The following PTH2R variants were observed in gnomAD, a reference collection of about 807,000 sequenced individuals.
The protein encoded by PTH2R is parathyroid hormone 2 receptor.
A neutral mutation model predicts 60.3 loss-of-function variants in PTH2R; 59 were observed. That is an observed-to-expected ratio of 0.98 (90% CI 0.79 to 1.22). The LOEUF is 1.22. Among genes scored for constraint, PTH2R ranks in the 50% most tolerant of loss-of-function variants. PTH2R has a pLI of 0.00. For synonymous variants in PTH2R, 256 were observed against 243.8 expected (o/e 1.05, Z -0.47); for missense variants, 749 against 682.6 (o/e 1.10, Z -1.08).
intron 4 of PTH2R, among the ~76,000 whole-genome samples, chr2:208,438,088 A>T (rs1702112029): frequency 6.6e-6 from 1 of 152,236 alleles, no homozygotes; most frequent in Admixed American, 6.5e-5. Context: ...GCTGAGATAC[A>T]TACATCCATA....
At chr2:208,428,892 G>A (rs556260875) in intron 2 of PTH2R, among the ~76,000 whole-genome samples, 1 of 152,184 alleles carries the variant, frequency 6.6e-6, no homozygotes. Flanking sequence ...CCAGACCAGC[G>A]TGGCCAACAT....
chr2:208,462,375 A>G (rs1702651268), intron 9 of PTH2R, among the ~76,000 whole-genome samples: 1 of 152,244 alleles, frequency 6.6e-6, no homozygotes, highest in Admixed American at 6.5e-5. Flanking sequence ...AGAGACAAGA[A>G]GATACACCTC....
chr2:208,378,934 AG>A (rs1700860586), intron 1 of PTH2R, among the ~76,000 whole-genome samples: 1 of 152,150 alleles, frequency 6.6e-6, no homozygotes, highest in South Asian at 2.1e-4. Flanking sequence ...GTGGTTGTGA[AG>A]ATTAGAGAAA....
chr2:208,423,025 A>G (rs1251303366), intron 1 of PTH2R, among the ~76,000 whole-genome samples: 1 of 151,728 alleles, frequency 6.6e-6, no homozygotes, highest in Non-Finnish European at 1.5e-5. Context: ...ATTATTGGTA[A>G]TTTTAAATCA....
intron 2 of PTH2R, among the ~76,000 whole-genome samples, chr2:208,430,713 A>AT (rs1701954292): frequency 6.6e-6 from 1 of 151,792 alleles, no homozygotes; most frequent in Non-Finnish European, 1.5e-5. Context: ...CATCCGGCTA[A>AT]TTTTTTTGTA....
chr2:208,478,175 A>G (rs550636759), intron 9 of PTH2R, among the ~76,000 whole-genome samples: 33 of 152,278 alleles, frequency 2.2e-4, no homozygotes, highest in Admixed American at 3.9e-4. Context: ...TCTTCAGAAA[A>G]AGAAGTAATC....
chr2:208,461,545 A>G (rs944535671), intron 9 of PTH2R, among the ~76,000 whole-genome samples: 14 of 152,118 alleles, frequency 9.2e-5, no homozygotes, highest in Middle Eastern at 3.2e-3. Flanking sequence ...AAACTGACCA[A>G]TAAGAGTTAA....
intron 2 of PTH2R, among the ~76,000 whole-genome samples, chr2:208,430,517 G>T (rs1244033671): frequency 1.4e-5 from 2 of 140,134 alleles, no homozygotes; most frequent in Non-Finnish European, 3.1e-5. Context: ...CTCAGCCTTT[G>T]TTGGTGATTA....
intron 1 of PTH2R, among the ~76,000 whole-genome samples, chr2:208,380,978 G>A (rs1700902641): frequency 6.6e-6 from 1 of 151,952 alleles, no homozygotes; most frequent in Non-Finnish European, 1.5e-5. Flanking sequence ...AAAAATTGAG[G>A]TCCTAATGCA....
intron 1 of PTH2R, among the ~76,000 whole-genome samples, chr2:208,367,453 C>T (rs1700615681): frequency 7.9e-6 from 1 of 127,244 alleles, no homozygotes; most frequent in Non-Finnish European, 1.6e-5. Flanking sequence ...GAGACAGAGT[C>T]ACTGTCACCC....
intron 7 of PTH2R, among the ~76,000 whole-genome samples, chr2:208,448,742 C>T (rs1027660153): frequency 4.6e-5 from 7 of 150,604 alleles, no homozygotes; most frequent in African/African-American, 1.7e-4. Context: ...ACAACATTTA[C>T]ATGTCAAGTA....
chr2:208,393,800 A>G (rs1170875810), intron 1 of PTH2R, among the ~76,000 whole-genome samples: 5 of 152,198 alleles, frequency 3.3e-5, no homozygotes, highest in African/African-American at 9.6e-5. Flanking sequence ...AGATCCTGTA[A>G]TGAGAAGGGA....
At chr2:208,362,995 G>A (rs1213727344) in intron 1 of PTH2R, among the ~76,000 whole-genome samples, 1 of 152,072 alleles carries the variant, frequency 6.6e-6, no homozygotes, top group African/African-American at 2.4e-5. Context: ...TGGAAAAAAT[G>A]TCTATTCAAG....
chr2:208,488,670 G>A (rs943805229), intron 10 of PTH2R, among the ~76,000 whole-genome samples: 37 of 151,682 alleles, frequency 2.4e-4, no homozygotes, highest in Non-Finnish European at 8.8e-5. Context: ...GATAGAGAAA[G>A]GTCAGCCCAA....
chr2:208,413,851 G>T (rs1180136940), intron 1 of PTH2R, among the ~76,000 whole-genome samples: 1 of 152,190 alleles, frequency 6.6e-6, no homozygotes, highest in Non-Finnish European at 1.5e-5. Flanking sequence ...ATGCTCTCTT[G>T]CAGACTAAGA....
Position 208,437,807 on chromosome 2 carries a change from C to A in PTH2R, c.337C>A (p.His113Asn). 1 of 1,613,832 alleles carries A rather than the reference C, an allele frequency of 6.2e-7. No individual in the cohort carries two copies. Among genetic ancestry groups the A allele is most frequent in the African/African-American group, 1.3e-5 (1 of 75,034 alleles). ...CNPNGTWDFMHSLNKTWANYS... is the reference protein window; with the variant it reads ...CNPNGTWDFMNSLNKTWANYS... ...CCCCAATGGAACATGGGATTTTATG[C>A]ACAGCTTAAATAAAACATGGGCCAA... The change falls in exon 4 of 13, where the codon CAC becomes AAC. Residue 113 changes from histidine to asparagine, a missense_variant. By Grantham distance (68) the His-to-Asn change is moderately conservative. Coordinates refer to ENST00000272847, the MANE Select transcript of PTH2R (RefSeq NM_005048.4).
In PTH2R at chr2:208,443,548, T is replaced by C. The variant is rs768403365; in HGVS notation, c.699+11T>C. 6 of 1,582,806 alleles carry C rather than the reference T, an allele frequency of 3.8e-6. No homozygotes were observed. In the East Asian group the frequency reaches 1.4e-4, roughly 36 times the overall value. On this transcript the variant is annotated intron_variant, in intron 6 of 12. Transcript: ENST00000272847. ...GACAAATCACAATATGTAAGTGTTT[T>C]CACCATTTTCTCTCATTACTAATTT...
rs1339467999 is a variant in PTH2R, at chr2:208,489,083, C to G, written c.1148C>G (p.Pro383Arg). Reference protein sequence around the residue: ...GVHYIVFVCLPHSFTGLGWEI... With the variant: ...GVHYIVFVCLRHSFTGLGWEI... Reference sequence around the variant, plus strand: ...CATTACATCGTGTTCGTATGCCTGCCTCACTCCTTCACTGGGCTCGGGTGG... The same window carrying G: ...CATTACATCGTGTTCGTATGCCTGCGTCACTCCTTCACTGGGCTCGGGTGG... Residue 383 changes from proline (P) to arginine (R), a missense_variant, in exon 11 of 13, where the codon CCT becomes CGT. Physicochemically the swap from Pro to Arg is moderately radical, Grantham distance 103. Transcript: ENST00000272847. 2 of 1,614,174 alleles carry G rather than the reference C, an allele frequency of 1.2e-6. No individual in the cohort carries two copies. Among genetic ancestry groups the G allele is most frequent in the Non-Finnish European group, 1.7e-6 (2 of 1,180,028 alleles).
chr2:208,442,372 C>G lies in PTH2R; in HGVS notation c.420C>G (p.Phe140Leu). The G allele has an allele frequency of 6.2e-7, 1 of 1,610,520 alleles. No individual in the cohort carries two copies. Among genetic ancestry groups the G allele is most frequent in the Non-Finnish European group, 8.5e-7 (1 of 1,176,906 alleles). Residue 140 changes from phenylalanine to leucine, a missense_variant, in exon 5 of 13, where the codon TTC becomes TTG. Coordinates refer to ENST00000272847, the MANE Select transcript of PTH2R (RefSeq NM_005048.4). ...QPDISIGKQEFFERLYVMYTV... is the reference protein window; with the variant it reads ...QPDISIGKQELFERLYVMYTV... ...CATCTCTTCCCTTGCAGCAAGAATT[C>G]TTTGAACGCCTCTATGTAATGTATA...
Sources: gnomAD v4.1 joint callset for allele counts (sites outside exome capture counted in the v4.1 genomes callset) on GRCh38, gnomAD v4.1.1 for gene constraint, MANE v1.5 for transcripts, NCBI Gene and HGNC (gene_info 2026-07-23, HGNC 2026-07-21) for gene names.